ULK4: variants seen among roughly 807,000 people sequenced by gnomAD.
ULK4 encodes inactive serine/threonine-protein kinase ULK4.
ULK4 carries 133 observed loss-of-function variants against 160.6 expected under a neutral mutation model. The observed-to-expected ratio is 0.83, with a 90% CI of 0.72 to 0.96. The LOEUF (loss-of-function observed/expected upper bound fraction) is 0.96. Among genes scored for constraint, ULK4 ranks in the 40% least tolerant of loss-of-function variants. The pLI, the probability that ULK4 is intolerant of heterozygous loss-of-function variation, is 0.00. For synonymous variants in ULK4, 534 were observed against 539.8 expected, an observed-to-expected ratio of 0.99 and a Z score of 0.15; for missense variants, 1,580 against 1,499.5, an observed-to-expected ratio of 1.05 and a Z score of -0.89.
chr3:41,391,755 G>C (rs1182587440), intron 35 of ULK4, among the ~76,000 whole-genome samples: 3 of 152,072 alleles, frequency 2.0e-5, no homozygotes, highest in Non-Finnish European at 4.4e-5. Context: ...GAAGGAAAAT[G>C]ATGGTGAGCA....
At chr3:41,589,051 G>A (rs1056396448) in intron 31 of ULK4, among the ~76,000 whole-genome samples, 2 of 151,868 alleles carry the variant, frequency 1.3e-5, no homozygotes, top group Non-Finnish European at 2.9e-5. Flanking sequence ...TCACCTTCCA[G>A]CCATGAGGGA....
intron 17 of ULK4, among the ~76,000 whole-genome samples, chr3:41,846,810 A>G (rs1173991578): frequency 1.3e-5 from 2 of 151,970 alleles, no homozygotes; most frequent in South Asian, 4.2e-4. Context: ...CTCTCTCAAA[A>G]AAAAAAAAAA....
chr3:41,427,347 A>G (rs190280572), intron 34 of ULK4, among the ~76,000 whole-genome samples: 3 of 146,898 alleles, frequency 2.0e-5, no homozygotes, highest in Admixed American at 6.9e-5. Flanking sequence ...AAGAGAAGCT[A>G]GTACCATTTA....
At chr3:41,946,070 T>A (rs997236764) in intron 2 of ULK4, among the ~76,000 whole-genome samples, 1 of 152,176 alleles carries the variant, frequency 6.6e-6, no homozygotes, top group Admixed American at 6.5e-5. Flanking sequence ...CTACTGCTCA[T>A]GTTATTTCTT....
At chr3:41,277,566 C>T (rs2079251464) in intron 35 of ULK4, among the ~76,000 whole-genome samples, 1 of 144,122 alleles carries the variant, frequency 6.9e-6, no homozygotes, top group Non-Finnish European at 1.5e-5. Flanking sequence ...ATGATTGAAA[C>T]TCAGCAAAAG....
intron 22 of ULK4, among the ~76,000 whole-genome samples, chr3:41,722,300 T>TC (rs987763580): frequency 6.6e-6 from 1 of 152,050 alleles, no homozygotes; most frequent in African/African-American, 2.4e-5. Flanking sequence ...CTGCCCCACT[T>TC]CCCCTGCATT....
intron 32 of ULK4, among the ~76,000 whole-genome samples, chr3:41,483,776 T>C (rs554340334): frequency 6.6e-6 from 1 of 152,308 alleles, no homozygotes; most frequent in African/African-American, 2.4e-5. Flanking sequence ...CATTTTCCTG[T>C]AATATCCAAG....
intron 35 of ULK4, among the ~76,000 whole-genome samples, chr3:41,303,681 C>T (rs4118041): frequency 0.29 from 44,401 of 151,998 alleles, 6,877 homozygotes; most frequent in Middle Eastern, 0.35. Context: ...GCTGTAAAGG[C>T]GCTTTTTCTG....
chr3:41,821,702 C>T (rs1257322667), intron 18 of ULK4, among the ~76,000 whole-genome samples: 1 of 152,094 alleles, frequency 6.6e-6, no homozygotes, highest in Non-Finnish European at 1.5e-5. Context: ...ATTTTGAAAA[C>T]AAGACCCTCC....
intron 35 of ULK4, among the ~76,000 whole-genome samples, chr3:41,289,600 A>G (rs2079520593): frequency 6.6e-6 from 1 of 152,212 alleles, no homozygotes. Context: ...GTACCCTAGG[A>G]CATCCCACAG....
intron 20 of ULK4, among the ~76,000 whole-genome samples, chr3:41,796,312 C>T (rs1474648059): frequency 6.6e-6 from 1 of 151,672 alleles, no homozygotes; most frequent in Non-Finnish European, 1.5e-5. Flanking sequence ...AAGACTAGAC[C>T]AGGCGTGGTG....
chr3:41,688,404 C>A (rs184411241), intron 27 of ULK4, among the ~76,000 whole-genome samples: 163 of 152,220 alleles, frequency 1.1e-3, no homozygotes, highest in African/African-American at 3.8e-3. Flanking sequence ...AATGAATAAA[C>A]AAACAAATAG....
At chr3:41,566,297 C>G (rs992028108) in intron 31 of ULK4, among the ~76,000 whole-genome samples, 167 bp from the exon 32 acceptor site, 1 of 152,188 alleles carries the variant, frequency 6.6e-6, no homozygotes, top group African/African-American at 2.4e-5. Flanking sequence ...CAAATCCCAT[C>G]AGTGAGTTAA....
Position 41,896,832 on chromosome 3 carries a change from T to C in ULK4, c.1520A>G (p.His507Arg). 6.2e-7 allele frequency: 1 copy of C among 1,612,436 alleles called. No individual in the cohort carries two copies. The highest frequency in any genetic ancestry group is 8.5e-7 in the Non-Finnish European group (1 of 1,179,562). The change falls in exon 15 of 37, where the codon CAT becomes CGT. Residue 507 changes from histidine to arginine, a missense_variant. Transcript: ENST00000301831. Reference sequence around the variant, plus strand: ...GTCACACAGGCTTACCAGGGGGGAATGGAGGAGCCTGGTGGCCACCTCCTG... The same window carrying C: ...GTCACACAGGCTTACCAGGGGGGAACGGAGGAGCCTGGTGGCCACCTCCTG... ...GHQEVATRLL[H>R]SPLFQLLIQH...
intron 22 of ULK4, among the ~76,000 whole-genome samples, chr3:41,753,418 A>C (rs150536701): frequency 6.6e-6 from 1 of 152,330 alleles, no homozygotes; most frequent in African/African-American, 2.4e-5. Context: ...CTGGATCTAG[A>C]AACAGACATT....
At chr3:41,875,418 A>G (rs560402033) in intron 17 of ULK4, among the ~76,000 whole-genome samples, 1 of 152,110 alleles carries the variant, frequency 6.6e-6, no homozygotes, top group Non-Finnish European at 1.5e-5. Flanking sequence ...TTTTTTAAAA[A>G]TTAAAAAGGC....
At chr3:41,273,829 TGA>T (rs1173768754) in intron 35 of ULK4, among the ~76,000 whole-genome samples, 1 of 151,226 alleles carries the variant, frequency 6.6e-6, no homozygotes, top group Admixed American at 6.6e-5. Flanking sequence ...CTGGTTCCTG[TGA>T]GAGTGGGTTG....
At chr3:41,677,255 C>T (rs997283200) in intron 29 of ULK4, among the ~76,000 whole-genome samples, 1 of 151,472 alleles carries the variant, frequency 6.6e-6, no homozygotes, top group Non-Finnish European at 1.5e-5. Flanking sequence ...CAAAATCTAA[C>T]TCAAATACTA....
At chr3:41,710,419 C>T (rs967031667) in intron 25 of ULK4, among the ~76,000 whole-genome samples, 8 of 152,092 alleles carry the variant, frequency 5.3e-5, no homozygotes, top group Non-Finnish European at 5.9e-5. Context: ...TGCACTGTTT[C>T]CCCCTCCCCT....
Sources: gnomAD v4.1 joint callset for allele counts (sites outside exome capture counted in the v4.1 genomes callset) on GRCh38, gnomAD v4.1.1 for gene constraint, MANE v1.5 for transcripts, NCBI Gene and HGNC (gene_info 2026-07-23, HGNC 2026-07-21) for gene names.